Variants in BRAF observed in about 807,000 individuals in gnomAD.
BRAF encodes B-Raf proto-oncogene, serine/threonine kinase.
BRAF carries 16 observed loss-of-function variants against 104.6 expected under a neutral mutation model. The ratio of observed to expected loss-of-function variants is 0.15; its 90% CI spans 0.10 to 0.23. The LOEUF (loss-of-function observed/expected upper bound fraction) is 0.23, where lower values mean the gene tolerates loss of function less well. Ranked by LOEUF, BRAF falls within the 10% of genes least tolerant of loss-of-function variation. The probability of loss-of-function intolerance (pLI) is 1.00; values close to 1 mark genes in which losing one functional copy is unlikely to be tolerated. For missense variants in BRAF, 541 were observed against 937.3 expected (o/e 0.58, Z 5.52); for synonymous variants, 310 against 341.6 (o/e 0.91, Z 1.02).
At chr7:140,733,256 C>T (rs1164793896) in intron 19 of BRAF, 1 of 152,152 alleles carries the variant, frequency 6.6e-6, no homozygotes, top group East Asian at 1.9e-4. Flanking sequence ...AATTTAAAGT[C>T]TTCTCAATTT....
chr7:140,924,477 A>G lies in BRAF; in HGVS notation c.138+89T>C. The G allele has an allele frequency of 1.3e-6, 2 of 1,515,530 alleles. No homozygotes were observed. Among genetic ancestry groups the G allele is most frequent in the Non-Finnish European group, 1.8e-6 (2 of 1,132,276 alleles). 93.9% of individuals were successfully genotyped at this position (1,515,530 alleles called of 1,614,324 possible). The stretch of plus-strand genomic sequence containing the variant: ...CCCGAGAAGGTGGCTGAGGGCATCA[A>G]GCCCCCACCGCCGCCTCTTTCCAAA... On this transcript the variant is annotated intron_variant, in intron 1 of 19. Coordinates refer to ENST00000644969, the MANE Select transcript of BRAF (RefSeq NM_001374258.1). This position sits in a 1 kb window ranked among gnomAD's most constrained non-coding sequence, Gnocchi z 4.2.
intron 1 of BRAF, among the ~76,000 whole-genome samples, chr7:140,882,158 A>G (rs1378393022): frequency 6.6e-6 from 1 of 152,178 alleles, no homozygotes; most frequent in Non-Finnish European, 1.5e-5. Context: ...AATTCCACAT[A>G]TAATTCCTGC....
intron 1 of BRAF, among the ~76,000 whole-genome samples, chr7:140,865,132 A>T (rs1383587869): frequency 6.6e-6 from 1 of 150,616 alleles, no homozygotes; most frequent in Non-Finnish European, 1.5e-5. Flanking sequence ...CAGGCCAGAG[A>T]GCAGTAGTGC....
intron 1 of BRAF, among the ~76,000 whole-genome samples, chr7:140,908,231 C>T (rs889805935): frequency 5.3e-5 from 8 of 152,064 alleles, no homozygotes; most frequent in African/African-American, 9.7e-5. Flanking sequence ...TCTGTAAAAA[C>T]GTAATTTTAG....
rs71645945 is a variant in BRAF at position 140,835,264 on chromosome 7, A to G, written c.241-392T>C. On this transcript the variant is annotated intron_variant, in intron 2 of 19. Coordinates refer to ENST00000644969, the MANE Select transcript of BRAF (RefSeq NM_001374258.1). ...ATTAAAAGAATTATTTTGTCCCGGA[A>G]AAGTTGTAGGCATATGAATTCCATT... The G allele has an allele frequency of 7.2e-3, 1,405 of 195,110 alleles. 20 individuals are homozygous for G. Among genetic ancestry groups the G allele is most frequent in the African/African-American group, 0.031 (1,326 of 42,390 alleles). 12.1% of individuals were successfully genotyped at this position (195,110 alleles called of 1,614,324 possible).
chr7:140,914,546 A>G (rs117062940), intron 1 of BRAF, among the ~76,000 whole-genome samples: 2,592 of 152,300 alleles, frequency 0.017, 53 homozygotes, highest in Non-Finnish European at 0.025. Context: ...TTCCCATGGA[A>G]GTATATATTA....
intron 14 of BRAF, among the ~76,000 whole-genome samples, chr7:140,773,955 T>C (rs1250576936): frequency 3.3e-5 from 5 of 152,210 alleles, no homozygotes; most frequent in African/African-American, 1.2e-4. Context: ...ACAGTTTTAG[T>C]GGAGTTCCAG....
chr7:140,924,423 G>A lies in BRAF; in HGVS notation c.138+143C>T, dbSNP rs998996140. ...GCATGACGGAGAGGGACACGGGGGCGATGCCCACCTCCCAGCCCGCGGAGC... is the reference window on the plus strand; with the variant it reads ...GCATGACGGAGAGGGACACGGGGGCAATGCCCACCTCCCAGCCCGCGGAGC... On this transcript the variant is annotated intron_variant, in intron 1 of 19. Transcript: ENST00000644969. The surrounding 1 kb of genome is among the most constrained non-coding windows in gnomAD (Gnocchi z 4.2). The A allele has an allele frequency of 1.3e-4, 157 of 1,237,936 alleles. No individual in the cohort carries two copies. Among genetic ancestry groups the A allele is most frequent in the Non-Finnish European group, 1.7e-4 (150 of 889,746 alleles). The allele number at this position is 1,237,936 out of a possible 1,614,324, so 76.7% of individuals were successfully genotyped here.
intron 14 of BRAF, among the ~76,000 whole-genome samples, chr7:140,756,997 C>CA (rs1362801483): frequency 6.6e-6 from 1 of 152,160 alleles, no homozygotes; most frequent in African/African-American, 2.4e-5. Context: ...CTAACCAACA[C>CA]AAACTATGGT....
intron 3 of BRAF, among the ~76,000 whole-genome samples, chr7:140,818,353 C>A (rs1237883111): frequency 1.3e-5 from 2 of 148,516 alleles, no homozygotes; most frequent in Non-Finnish European, 3.0e-5. Context: ...TGCTCTGTTG[C>A]CCAGCCTGGA....
At position 140,818,075 on chromosome 7, in the gene BRAF, T is replaced by C. The variant is rs1019742930; in HGVS notation, c.505-9080A>G. 6.5e-4 allele frequency among the ~76,000 whole-genome samples: 99 copies of C among 151,886 alleles called. 4 individuals carry two copies. Among genetic ancestry groups the C allele is most frequent in the Non-Finnish European group, 4.3e-4 (29 of 67,974 alleles). On this transcript the variant is annotated intron_variant, in intron 3 of 19. Transcript: ENST00000644969. The stretch of plus-strand genomic sequence containing the variant: ...ATTGGCTTATGGCTACACATATATA[T>C]AATAAAATACAAAAATATGATTGAA...
chr7:140,826,961 C>T (rs552904156), intron 3 of BRAF, among the ~76,000 whole-genome samples: 1 of 152,268 alleles, frequency 6.6e-6, no homozygotes, highest in East Asian at 1.9e-4. Context: ...GAATAATCCC[C>T]AACCTTTTTA....
At position 140,721,213 on chromosome 7, in the gene BRAF, A is replaced by C; in HGVS notation, c.*5281T>G. On this transcript the variant is annotated 3_prime_UTR_variant, in exon 20 of 20. Transcript: ENST00000644969. ...TTTAATAAAGCTGATTTAGTAATTAATAAAACTTAACAGTTGAAGTTGTGG... is the reference window on the plus strand; with the variant it reads ...TTTAATAAAGCTGATTTAGTAATTACTAAAACTTAACAGTTGAAGTTGTGG... 9.2e-7 allele frequency: 1 copy of C among 1,082,028 alleles called. No homozygotes were observed. The highest frequency in any genetic ancestry group is 1.1e-6 in the Non-Finnish European group (1 of 890,520). 67.0% of individuals were successfully genotyped at this position (1,082,028 alleles called of 1,614,324 possible).
At chr7:140,843,753 C>T (rs991545511) in intron 2 of BRAF, among the ~76,000 whole-genome samples, 1 of 152,128 alleles carries the variant, frequency 6.6e-6, no homozygotes, top group Non-Finnish European at 1.5e-5. Context: ...TGCCTATAAT[C>T]CCAGCACTTT....
At chr7:140,749,236 A>T (rs201698108) in intron 17 of BRAF, 51 bp downstream of exon 16, 1 of 1,606,764 alleles carries the variant, frequency 6.2e-7, no homozygotes, top group Non-Finnish European at 8.5e-7. Context: ...CTACAACTGG[A>T]GCCTTGTATA....
In BRAF at chr7:140,783,073, C is replaced by G; in HGVS notation, c.1382G>C (p.Gly461Ala). The G allele has an allele frequency of 6.2e-7, 1 of 1,613,964 alleles. No homozygotes were observed. The highest frequency in any genetic ancestry group is 8.5e-7 in the Non-Finnish European group (1 of 1,179,962). ...AGATGACTTCCTTTCTCGCTGAGGT[C>G]CTGGAGATTTCTGTAAGGCTTTCAC... ...TNVKALQKSPGPQRERKSSSS... is the reference protein window; with the variant it reads ...TNVKALQKSPAPQRERKSSSS... The change falls in exon 11 of 20, where the codon GGA becomes GCA. Residue 461 changes from glycine to alanine, a missense_variant. Transcript: ENST00000644969.
chr7:140,798,423 A>C (rs1802723684), intron 7 of BRAF, among the ~76,000 whole-genome samples: 1 of 150,674 alleles, frequency 6.6e-6, no homozygotes, highest in Non-Finnish European at 1.5e-5. Context: ...CGCCCGGCTA[A>C]TTTTGTTTTT....
chr7:140,840,284 T>C (rs1271763527), intron 2 of BRAF, among the ~76,000 whole-genome samples: 1 of 152,190 alleles, frequency 6.6e-6, no homozygotes, highest in African/African-American at 2.4e-5. Flanking sequence ...GATTAGGCAA[T>C]GGTCTCTCAT....
chr7:140,825,268 A>G (rs1805911848), intron 3 of BRAF, among the ~76,000 whole-genome samples: 1 of 152,048 alleles, frequency 6.6e-6, no homozygotes, highest in African/African-American at 2.4e-5. Context: ...GCACCCAGCC[A>G]TTTGTTTTCT....
Sources: gnomAD v4.1 joint callset for allele counts (sites outside exome capture counted in the v4.1 genomes callset) on GRCh38, gnomAD v4.1.1 for gene constraint, Gnocchi (gnomAD v3.1) non-coding constraint, MANE v1.5 for transcripts, NCBI Gene and HGNC (gene_info 2026-07-23, HGNC 2026-07-21) for gene names.